SLC35D4: variants seen among roughly 807,000 people sequenced by gnomAD.
The protein encoded by SLC35D4 is UDP-N-acetylglucosamine transporter SLC35D4.
the SLC35D4 span, among the ~76,000 whole-genome samples, chr18:23,392,090 A>G: frequency 6.6e-6 from 1 of 151,896 alleles, no homozygotes. Context: ...GGCACACGCC[A>G]CCATACCCGG....
the SLC35D4 span, among the ~76,000 whole-genome samples, chr18:23,350,655 T>C: frequency 6.6e-6 from 1 of 152,114 alleles, no homozygotes; most frequent in Non-Finnish European, 1.5e-5. Flanking sequence ...CCACTGCTTG[T>C]TCCAAAGAGG....
chr18:23,398,797 A>C, the SLC35D4 span, among the ~76,000 whole-genome samples: 1 of 152,174 alleles, frequency 6.6e-6, no homozygotes, highest in Non-Finnish European at 1.5e-5. Flanking sequence ...TTTTACATTA[A>C]AAGACTAAAA....
the SLC35D4 span, chr18:23,310,112 A>C: frequency 1.6e-6 from 1 of 621,988 alleles, no homozygotes; most frequent in Non-Finnish European, 2.0e-6. Flanking sequence ...GCAGTGCAGA[A>C]CTCGTCTCCA....
At chr18:23,416,428 C>T in the SLC35D4 span, among the ~76,000 whole-genome samples, 1 of 152,224 alleles carries the variant, frequency 6.6e-6, no homozygotes, top group South Asian at 2.1e-4. Context: ...TCTGTCATCT[C>T]TGCATTCATA....
the SLC35D4 span, chr18:23,370,329 G>C: frequency 1.2e-5 from 18 of 1,536,734 alleles, no homozygotes; most frequent in Non-Finnish European, 1.6e-5. Flanking sequence ...CCTGTCCGGG[G>C]ACACACAAAA....
At chr18:23,327,254 T>C in the SLC35D4 span, among the ~76,000 whole-genome samples, 3 of 151,890 alleles carry the variant, frequency 2.0e-5, no homozygotes, top group Non-Finnish European at 4.4e-5. Context: ...AATCAATGAA[T>C]CCAGGAGCTG....
chr18:23,367,662 G>A, the SLC35D4 span, among the ~76,000 whole-genome samples: 1 of 152,110 alleles, frequency 6.6e-6, no homozygotes, highest in Non-Finnish European at 1.5e-5. Context: ...ACATCATGTG[G>A]CAGGTACTCA....
the SLC35D4 span, among the ~76,000 whole-genome samples, chr18:23,310,698 A>G: frequency 0.046 from 7,007 of 152,094 alleles, 461 homozygotes; most frequent in Admixed American, 0.18. Context: ...AGCTGGGAGC[A>G]AGGCAGCAGA....
chr18:23,344,322 TG>T, the SLC35D4 span, among the ~76,000 whole-genome samples: 1 of 152,238 alleles, frequency 6.6e-6, no homozygotes, highest in Non-Finnish European at 1.5e-5. Context: ...AACACACATG[TG>T]CATGTGTCTT....
chr18:23,435,246 C>T, the SLC35D4 span, among the ~76,000 whole-genome samples: 1 of 20,464 alleles, frequency 4.9e-5, no homozygotes, highest in Non-Finnish European at 1.1e-4. Flanking sequence ...TGCTATTTGT[C>T]TGCTTTTTTT....
At chr18:23,319,443 G>A in the SLC35D4 span, among the ~76,000 whole-genome samples, 1 of 149,046 alleles carries the variant, frequency 6.7e-6, no homozygotes. Context: ...GCTAATGTTT[G>A]TATTTTTTGT....
chr18:23,370,344 C>T, the SLC35D4 span: 8 of 1,443,738 alleles, frequency 5.5e-6, no homozygotes, highest in Middle Eastern at 1.8e-4. Flanking sequence ...ACAAAATCCA[C>T]ATGGATAAAG....
At chr18:23,360,116 C>T in the SLC35D4 span, among the ~76,000 whole-genome samples, 1 of 152,184 alleles carries the variant, frequency 6.6e-6, no homozygotes, top group Admixed American at 6.5e-5. Context: ...CCCTCACACA[C>T]CCTCTAGAAG....
the SLC35D4 span, among the ~76,000 whole-genome samples, chr18:23,312,462 C>G: frequency 6.6e-6 from 1 of 152,186 alleles, no homozygotes; most frequent in East Asian, 1.9e-4. Context: ...GTCACCTTTC[C>G]AAAATTCAAA....
the SLC35D4 span, among the ~76,000 whole-genome samples, chr18:23,411,140 GA>G: frequency 1.4e-5 from 2 of 145,748 alleles, no homozygotes; most frequent in African/African-American, 5.1e-5. Context: ...AAGAAAGAAG[GA>G]AGGAAGGAAG....
the SLC35D4 span, among the ~76,000 whole-genome samples, chr18:23,410,040 A>G: frequency 6.6e-6 from 1 of 152,078 alleles, no homozygotes. Context: ...TTATATCAGG[A>G]ACTTAAGCAC....
the SLC35D4 span, among the ~76,000 whole-genome samples, chr18:23,283,471 CAAAAAAAAAAA>C: frequency 4.5e-5 from 2 of 44,436 alleles, no homozygotes; most frequent in African/African-American, 8.8e-5. Flanking sequence ...GACCCAGTCT[CAAAAAAAAAAA>C]AAAAAAAAAA....
the SLC35D4 span, among the ~76,000 whole-genome samples, chr18:23,380,802 GCA>G: frequency 2.6e-5 from 4 of 151,344 alleles, no homozygotes; most frequent in East Asian, 5.8e-4. Flanking sequence ...GTGTATGTGT[GCA>G]TGAGTGTGTG....
chr18:23,408,275 A>C, the SLC35D4 span, among the ~76,000 whole-genome samples: 1 of 152,146 alleles, frequency 6.6e-6, no homozygotes, highest in East Asian at 1.9e-4. Flanking sequence ...GTCTACCTCA[A>C]CTAGAATGCC....
Sources: allele counts gnomAD v4.1 joint callset (sites outside exome capture counted in the v4.1 genomes callset), GRCh38; gene constraint gnomAD v4.1.1; transcripts MANE v1.5; gene names NCBI Gene and HGNC (gene_info 2026-07-23, HGNC 2026-07-21).